Variants in DST observed in about 807,000 individuals in gnomAD.
The protein encoded by DST is bullous pemphigoid antigen.
In DST, 253 loss-of-function variants were observed where a neutral mutation model predicts 875.2. The ratio of observed to expected loss-of-function variants is 0.29; its 90% CI spans 0.26 to 0.32. The LOEUF is 0.32. DST is among the 10% of genes least tolerant of loss of function. DST has a pLI of 1.00. For synonymous variants in DST, 3,124 were observed against 3,197.1 expected (o/e 0.98, Z 0.77); for missense variants, 8,287 against 9,111.6 (o/e 0.91, Z 3.68).
intron 2 of DST, among the ~76,000 whole-genome samples, chr6:56,929,153 G>A (rs1239317077): frequency 1.3e-5 from 2 of 151,996 alleles, no homozygotes; most frequent in Admixed American, 6.6e-5. Flanking sequence ...CATTGTAAAT[G>A]GCCATGTGAT....
intron 4 of DST, among the ~76,000 whole-genome samples, chr6:56,839,833 T>TA (rs1218922938): frequency 2.0e-5 from 3 of 152,002 alleles, no homozygotes; most frequent in East Asian, 1.9e-4. Flanking sequence ...AAGGTATTTG[T>TA]AAAAAACAGA....
At chr6:56,902,245 G>A (rs562507698) in intron 2 of DST, among the ~76,000 whole-genome samples, 110 of 152,308 alleles carry the variant, frequency 7.2e-4, no homozygotes, top group Admixed American at 1.4e-3. Context: ...AACACTAAAT[G>A]ATCCAAGAAG....
chr6:56,625,625 C>T (rs907108461), intron 34 of DST, among the ~76,000 whole-genome samples: 1 of 151,780 alleles, frequency 6.6e-6, no homozygotes, highest in African/African-American at 2.4e-5. Context: ...AAGTATAGCA[C>T]ACACAATTAT....
In DST at chr6:56,642,073, T is replaced by C; in HGVS notation, c.1901A>G (p.Gln634Arg). 6.2e-7 allele frequency: 1 copy of C among 1,612,818 alleles called. No individual in the cohort carries two copies. Among genetic ancestry groups the C allele is most frequent in the Non-Finnish European group, 8.5e-7 (1 of 1,179,092 alleles). ...AGCAATTTCTGCTTCATTCTGAAAC[T>C]GCACTCCTGATTCTAATCTTTTAGA... is the stretch of plus-strand genomic sequence containing the variant. ...SDSKRLESGV[Q>R]FQNEAEIAGY... The change falls in exon 17 of 104, where the codon CAG becomes CGG. Residue 634 changes from glutamine to arginine, a missense_variant. Gln to Arg is a conservative substitution (Grantham distance 43, BLOSUM62 1). This residue lies in a region of DST where 1,160 missense variants were observed against 1,424.3 expected (regional missense o/e 0.81). Transcript: ENST00000680361.
intron 9 of DST, among the ~76,000 whole-genome samples, chr6:56,679,227 T>C (rs2152839784): frequency 6.6e-6 from 1 of 152,272 alleles, no homozygotes; most frequent in African/African-American, 2.4e-5. Flanking sequence ...CCTTCACATC[T>C]TTGTCCTTAC....
chr6:56,630,846 G>A (rs188232720), intron 30 of DST, among the ~76,000 whole-genome samples: 304 of 150,940 alleles, frequency 2.0e-3, no homozygotes, highest in African/African-American at 7.0e-3. Flanking sequence ...GCAGTGGCGC[G>A]ATATCGGCTC....
intron 31 of DST, among the ~76,000 whole-genome samples, chr6:56,630,002 T>G (rs1054769403): frequency 2.6e-5 from 4 of 152,226 alleles, no homozygotes; most frequent in Non-Finnish European, 5.9e-5. Context: ...CGACTCCTCC[T>G]GCTGCCAACA....
intron 2 of DST, among the ~76,000 whole-genome samples, chr6:56,908,286 C>T (rs1242186754): frequency 2.0e-5 from 3 of 151,960 alleles, no homozygotes; most frequent in South Asian, 2.1e-4. Flanking sequence ...TAAAGTGTAT[C>T]GTAGAAGCTC....
At chr6:56,721,477 A>T (rs1259035270) in intron 5 of DST, among the ~76,000 whole-genome samples, 1 of 152,202 alleles carries the variant, frequency 6.6e-6, no homozygotes, top group African/African-American at 2.4e-5. Flanking sequence ...AGACAGGCAT[A>T]GGAAATTATA....
chr6:56,676,878 G>C (rs539268937), intron 9 of DST, among the ~76,000 whole-genome samples: 1 of 152,076 alleles, frequency 6.6e-6, no homozygotes, highest in Non-Finnish European at 1.5e-5. Flanking sequence ...CAGAGGCTGC[G>C]GGGTGGTTGG....
chr6:56,704,427 T>G (rs2099324448), intron 5 of DST, 58 bp from the exon 6 acceptor site: 1 of 753,990 alleles, frequency 1.3e-6, no homozygotes, highest in Non-Finnish European at 2.2e-6. Context: ...CTTAACATTC[T>G]TAAACATAAA....
At position 56,636,356 on chromosome 6, in the gene DST, A is replaced by G. The variant is rs542432818; in HGVS notation, c.3060+201T>C. On this transcript the variant is annotated intron_variant, in intron 23 of 103. Coordinates refer to ENST00000680361, the MANE Select transcript of DST (RefSeq NM_001374736.1). ...TATATGTATATGTATGTGTATATATATGTGTGTGTATATATATACACACAT... is the reference window on the plus strand; with the variant it reads ...TATATGTATATGTATGTGTATATATGTGTGTGTGTATATATATACACACAT... Among the ~76,000 whole-genome samples the G allele has an allele frequency of 1.7e-4, 25 of 149,244 alleles. No homozygotes were observed. The South Asian group carries it at 2.5e-3, about 15-fold the overall frequency.
chr6:56,570,871 A>G (rs1562874236), intron 53 of DST, among the ~76,000 whole-genome samples: 1 of 152,216 alleles, frequency 6.6e-6, no homozygotes, highest in Non-Finnish European at 1.5e-5. Context: ...GTGATGCTGA[A>G]TGCCGGCAGG....
At chr6:56,650,325 C>CAA (rs70989721) in intron 12 of DST, among the ~76,000 whole-genome samples, 1,257 of 47,788 alleles carry the variant, frequency 0.026, 70 homozygotes, top group Admixed American at 0.084. Flanking sequence ...CATAACCACC[C>CAA]AAAAAAAAAA....
At chr6:56,636,394 G>GTATA (rs959569922) in intron 23 of DST, among the ~76,000 whole-genome samples, 163 bp downstream of exon 23, 2 of 148,292 alleles carry the variant, frequency 1.3e-5, no homozygotes, top group Admixed American at 6.7e-5. Context: ...ATGTGTATAC[G>GTATA]TATGTGTGTA....
chr6:56,487,676 A>G (rs780591480), intron 86 of DST, among the ~76,000 whole-genome samples: 69 of 152,200 alleles, frequency 4.5e-4, no homozygotes, highest in Non-Finnish European at 8.1e-4. Context: ...CAACTCAATC[A>G]TAAGCTTTTA....
In DST at chr6:56,472,197, C is replaced by A; in HGVS notation, c.22020G>T (p.Leu7340Phe). The A allele has an allele frequency of 1.2e-6, 2 of 1,613,848 alleles. No homozygotes were observed. Among genetic ancestry groups the A allele is most frequent in the South Asian group, 1.1e-5 (1 of 91,072 alleles). Reference sequence around the variant, plus strand: ...TTTGTGTCTGTGACCCAGAGGGATACAAGCTTGATGCTGGAAAGCGTTTTC... The same window carrying A: ...TTTGTGTCTGTGACCCAGAGGGATAAAAGCTTGATGCTGGAAAGCGTTTTC... ...AGRKRFPASS[L>F]YPSGSQTQIE... is the part of the protein sequence containing the mutation. Residue 7340 changes from leucine (L) to phenylalanine (F), a missense_variant, in exon 94 of 104, where the codon TTG becomes TTT. By Grantham distance (22) the Leu-to-Phe change is conservative. Around this residue, in one of 10 missense-constraint regions of DST, gnomAD observed 1,292 missense variants for 1,552.7 expected, o/e 0.83. Coordinates refer to ENST00000680361, the MANE Select transcript of DST (RefSeq NM_001374736.1).
chr6:56,483,834 ATTAT>A (rs2095480470), intron 88 of DST: 2 of 152,152 alleles, frequency 1.3e-5, no homozygotes, highest in South Asian at 4.1e-4. Context: ...CACAAAAGTG[ATTAT>A]TTGACTGATT....
Position 56,630,264 on chromosome 6 carries a change from T to C in DST, c.4262A>G (p.Asn1421Ser). Residue 1421 changes from asparagine (N) to serine (S), a missense_variant, in exon 31 of 104, where the codon AAT becomes AGT. Transcript: ENST00000680361. ...TCATACCTTTAAAGTACTTATTAGATTCTCAATATTATTCTTGTCAGCTAT... is the reference window on the plus strand; with the variant it reads ...TCATACCTTTAAAGTACTTATTAGACTCTCAATATTATTCTTGTCAGCTAT... ...AVIADKNNIE[N>S]LISTLKQWRS... 6.3e-7 allele frequency: 1 copy of C among 1,599,242 alleles called. No individual in the cohort carries two copies. The highest frequency in any genetic ancestry group is 1.1e-5 in the South Asian group (1 of 90,676).
Sources: allele counts gnomAD v4.1 joint callset (sites outside exome capture counted in the v4.1 genomes callset), GRCh38; gene constraint gnomAD v4.1.1; regional missense constraint gnomAD v4.1.1; transcripts MANE v1.5; gene names NCBI Gene and HGNC (gene_info 2026-07-23, HGNC 2026-07-21).